GALNTL6: variants seen among roughly 807,000 people sequenced by gnomAD.
GALNTL6 encodes polypeptide N-acetylgalactosaminyltransferase like 6.
GALNTL6 carries 46 observed loss-of-function variants against 73.7 expected under a neutral mutation model. The ratio of observed to expected loss-of-function variants is 0.62; its 90% confidence interval spans 0.49 to 0.80. The LOEUF is 0.80. Ranked by LOEUF, GALNTL6 falls within the 30% of genes least tolerant of loss-of-function variation. The probability of loss-of-function intolerance (pLI) is 0.00; values close to 1 mark genes in which losing one functional copy is unlikely to be tolerated. For missense variants in GALNTL6, 604 were observed against 755.0 expected, an observed-to-expected ratio of 0.80 and a Z score of 2.34; for synonymous variants, 259 against 263.7, an observed-to-expected ratio of 0.98 and a Z score of 0.17.
intron 2 of GALNTL6, among the ~76,000 whole-genome samples, chr4:172,174,169 C>T (rs781335673): frequency 1.2e-4 from 19 of 152,198 alleles, no homozygotes; most frequent in Non-Finnish European, 2.5e-4. Context: ...GTAGCTTGAA[C>T]TCTGATCGCA....
At chr4:171,939,860 G>A (rs1384957846) in intron 2 of GALNTL6, among the ~76,000 whole-genome samples, 3 of 152,050 alleles carry the variant, frequency 2.0e-5, no homozygotes, top group Non-Finnish European at 4.4e-5. Context: ...AAGTTTACAT[G>A]CCTGAAACAA....
chr4:172,482,608 A>G (rs1009781899), intron 5 of GALNTL6, among the ~76,000 whole-genome samples: 1 of 152,268 alleles, frequency 6.6e-6, no homozygotes, highest in Non-Finnish European at 1.5e-5. Context: ...AAGATATTCT[A>G]GAAAAATGCC....
At chr4:171,828,306 G>A (rs1053675729) in intron 2 of GALNTL6, among the ~76,000 whole-genome samples, 17 of 152,030 alleles carry the variant, frequency 1.1e-4, no homozygotes, top group Admixed American at 6.6e-5. Context: ...CTAGTAAATC[G>A]CTATCTCAGT....
In GALNTL6 at chr4:171,865,088, G is replaced by A. The variant is rs190106508; in HGVS notation, c.138+50370G>A. Among the ~76,000 whole-genome samples the A allele has an allele frequency of 5.9e-5, 9 of 152,006 alleles. No individual in the cohort carries two copies. The South Asian group carries it at 1.0e-3, about 18-fold the overall frequency. Reference sequence around the variant, plus strand: ...TTGACCCCGGGAGGCGGAGATTGCCGTGAACCGAGATCACGCCATTGCACT... The same window carrying A: ...TTGACCCCGGGAGGCGGAGATTGCCATGAACCGAGATCACGCCATTGCACT... On this transcript the variant is annotated intron_variant, in intron 2 of 12. Transcript: ENST00000506823.
intron 2 of GALNTL6, among the ~76,000 whole-genome samples, chr4:171,883,711 T>G (rs935918958): frequency 2.0e-5 from 3 of 151,638 alleles, no homozygotes; most frequent in South Asian, 2.1e-4. Context: ...GCAGTGGCGC[T>G]ATCTCAGCTC....
At chr4:172,590,190 C>T (rs764943035) in intron 5 of GALNTL6, among the ~76,000 whole-genome samples, 8 of 152,070 alleles carry the variant, frequency 5.3e-5, no homozygotes, top group Non-Finnish European at 1.0e-4. Flanking sequence ...TCCAGTTGTC[C>T]ATGTGTTGCT....
intron 3 of GALNTL6, among the ~76,000 whole-genome samples, chr4:172,265,536 C>T (rs1738421516): frequency 6.6e-6 from 1 of 152,080 alleles, no homozygotes; most frequent in Non-Finnish European, 1.5e-5. Context: ...AATTCATCTT[C>T]AGGTTCTCTT....
intron 5 of GALNTL6, among the ~76,000 whole-genome samples, chr4:172,699,449 A>C (rs1389363619): frequency 2.0e-5 from 3 of 152,182 alleles, no homozygotes; most frequent in South Asian, 2.1e-4. Context: ...AGTGACTTTC[A>C]CAGCTGTGTG....
chr4:172,524,053 T>C (rs1478062987), intron 5 of GALNTL6, among the ~76,000 whole-genome samples: 1 of 152,166 alleles, frequency 6.6e-6, no homozygotes, highest in African/African-American at 2.4e-5. Context: ...AATATGTTTA[T>C]AGTTTTACTA....
At chr4:171,837,143 G>A (rs559939065) in intron 2 of GALNTL6, among the ~76,000 whole-genome samples, 5 of 152,248 alleles carry the variant, frequency 3.3e-5, no homozygotes, top group African/African-American at 1.2e-4. Context: ...CAATGAAAAT[G>A]TGTTATAAGT....
At chr4:172,139,020 G>A (rs1354561453) in intron 2 of GALNTL6, among the ~76,000 whole-genome samples, 1 of 151,932 alleles carries the variant, frequency 6.6e-6, no homozygotes, top group Non-Finnish European at 1.5e-5. Context: ...TAGATCAATC[G>A]ATCAGCAATG....
chr4:172,749,231 C>A (rs773351752), intron 5 of GALNTL6, among the ~76,000 whole-genome samples: 13 of 151,858 alleles, frequency 8.6e-5, no homozygotes, highest in South Asian at 2.1e-4. Context: ...TTCTTTGAGA[C>A]CTTCTATTAT....
intron 12 of GALNTL6, among the ~76,000 whole-genome samples, chr4:173,039,225 A>G (rs1167428632): frequency 1.3e-5 from 2 of 152,192 alleles, no homozygotes; most frequent in Admixed American, 1.3e-4. Context: ...GCAGAAAGCA[A>G]TGAGAACGGC....
At chr4:172,609,530 C>T (rs532763226) in intron 5 of GALNTL6, among the ~76,000 whole-genome samples, 2 of 151,624 alleles carry the variant, frequency 1.3e-5, no homozygotes, top group South Asian at 2.1e-4. Flanking sequence ...GATGTGCTGC[C>T]AGATTCAGTT....
At chr4:172,318,579 G>A (rs1561023831) in intron 4 of GALNTL6, among the ~76,000 whole-genome samples, 2 of 152,090 alleles carry the variant, frequency 1.3e-5, no homozygotes, top group African/African-American at 2.4e-5. Flanking sequence ...GTGGGCGCCT[G>A]TAATCCCAGC....
intron 3 of GALNTL6, among the ~76,000 whole-genome samples, chr4:172,288,945 C>T (rs762302732): frequency 1.1e-4 from 16 of 152,050 alleles, no homozygotes; most frequent in Non-Finnish European, 7.4e-5. Context: ...CTATTCTGTT[C>T]ACCACCTGAG....
At chr4:172,706,132 T>G (rs542084798) in intron 5 of GALNTL6, among the ~76,000 whole-genome samples, 6 of 152,234 alleles carry the variant, frequency 3.9e-5, no homozygotes, top group Admixed American at 2.0e-4. Context: ...GGCTATCCTC[T>G]AGATTTGTAA....
intron 3 of GALNTL6, among the ~76,000 whole-genome samples, chr4:172,289,972 A>T (rs1358616271): frequency 6.6e-6 from 1 of 152,224 alleles, no homozygotes; most frequent in Non-Finnish European, 1.5e-5. Context: ...TATCTAAATC[A>T]TACTGTAAAA....
At chr4:172,678,314 T>C (rs944664547) in intron 5 of GALNTL6, among the ~76,000 whole-genome samples, 1 of 54,916 alleles carries the variant, frequency 1.8e-5, no homozygotes, top group Non-Finnish European at 6.2e-5. Flanking sequence ...TTTTTAGTCT[T>C]TTCTTTTAAA....
Sources: gnomAD v4.1 joint callset for allele counts (sites outside exome capture counted in the v4.1 genomes callset) on GRCh38, gnomAD v4.1.1 for gene constraint, MANE v1.5 for transcripts, NCBI Gene and HGNC (gene_info 2026-07-23, HGNC 2026-07-21) for gene names.